The following SH3YL1 variants were observed in gnomAD, a reference collection of about 807,000 sequenced individuals.
SH3YL1 encodes the protein SH3 domain-containing YSC84-like protein 1.
SH3YL1 carries 41 observed loss-of-function variants against 45.8 expected under a neutral mutation model. The observed-to-expected ratio is 0.89, with a 90% CI of 0.70 to 1.16. The LOEUF is 1.16. SH3YL1 is among the 50% of genes most tolerant of loss of function. SH3YL1 has a pLI of 0.00. For missense variants in SH3YL1, 389 were observed against 409.6 expected, an observed-to-expected ratio of 0.95 and a Z score of 0.43; for synonymous variants, 152 against 151.4, an observed-to-expected ratio of 1.00 and a Z score of -0.03.
intron 9 of SH3YL1, among the ~76,000 whole-genome samples, chr2:220,673 G>C (rs910109577): frequency 6.6e-6 from 1 of 152,188 alleles, no homozygotes; most frequent in African/African-American, 2.4e-5. Flanking sequence ...CCTGTCATCA[G>C]ATCAGGATGC....
chr2:243,402 C>A, intron 4 of SH3YL1: 1 of 1,140,290 alleles, frequency 8.8e-7, no homozygotes, highest in Non-Finnish European at 1.2e-6. Flanking sequence ...AATATGTGGA[C>A]ATTAAGCAAC....
chr2:246,146 G>A (rs1668796607), intron 4 of SH3YL1, among the ~76,000 whole-genome samples: 1 of 151,060 alleles, frequency 6.6e-6, no homozygotes, highest in South Asian at 2.1e-4. Context: ...AGTGAGCTGA[G>A]TCCATGCCAT....
intron 8 of SH3YL1, 113 bp downstream of exon 8, chr2:229,853 T>C: frequency 1.3e-6 from 1 of 769,994 alleles, no homozygotes; most frequent in Non-Finnish European, 2.1e-6. Flanking sequence ...CTCTTAAATA[T>C]GTTAGTTCTT....
In SH3YL1 at chr2:249,839, C is replaced by A. The variant is rs780119435; in HGVS notation, c.118G>T (p.Val40Leu). The A allele has an allele frequency of 6.5e-7, 1 of 1,550,138 alleles. No individual in the cohort carries two copies. Among genetic ancestry groups the A allele is most frequent in the South Asian group, 1.2e-5 (1 of 84,026 alleles). Residue 40 changes from valine (V) to leucine (L), a missense_variant, in exon 3 of 10, where the codon GTA becomes TTA. Coordinates refer to ENST00000356150, the MANE Select transcript of SH3YL1 (RefSeq NM_015677.4). ...NGPDKIIPAH[V>L]IAKAKGLAIL... ...GCAAGGCCTTTAGCCTTCGCAATTA[C>A]GTGAGCTGTTAACGTGGAAAACAAT...
At chr2:232,354 G>A (rs1365017178) in intron 6 of SH3YL1, among the ~76,000 whole-genome samples, 1 of 151,234 alleles carries the variant, frequency 6.6e-6, no homozygotes, top group African/African-American at 2.4e-5. Flanking sequence ...ACTGACACAT[G>A]AGTTGTAACT....
intron 1 of SH3YL1, among the ~76,000 whole-genome samples, chr2:257,357 A>G (rs1412197390): frequency 6.6e-6 from 1 of 152,208 alleles, no homozygotes; most frequent in East Asian, 1.9e-4. Context: ...GAGTTTTTAC[A>G]GCTTTAGGTT....
At chr2:233,267 C>T in intron 5 of SH3YL1, 38 bp from the exon 6 acceptor site, 1 of 1,496,658 alleles carries the variant, frequency 6.7e-7, no homozygotes, top group Non-Finnish European at 9.0e-7. Flanking sequence ...AAGCTGTGAG[C>T]AGCTCCAAGC....
At chr2:256,251 CTT>C (rs1273126541) in intron 1 of SH3YL1, 1 of 152,216 alleles carries the variant, frequency 6.6e-6, no homozygotes, top group African/African-American at 2.4e-5. Flanking sequence ...TCAGCTCTTC[CTT>C]TTTGACTGCC....
chr2:246,366 T>A (rs1303041895), intron 4 of SH3YL1, among the ~76,000 whole-genome samples: 1 of 152,186 alleles, frequency 6.6e-6, no homozygotes, highest in Non-Finnish European at 1.5e-5. Flanking sequence ...AGAATTACCA[T>A]GGAAACTCTC....
At chr2:239,071 G>C (rs575145471) in intron 4 of SH3YL1, among the ~76,000 whole-genome samples, 1 of 152,278 alleles carries the variant, frequency 6.6e-6, no homozygotes, top group South Asian at 2.1e-4. Flanking sequence ...TGAAACCACA[G>C]CACGATGCAA....
At chr2:264,137 G>C (rs1008499268), upstream of SH3YL1, 164 of 1,187,230 alleles carry the variant, frequency 1.4e-4, no homozygotes, top group Middle Eastern at 3.0e-4. Context: ...TACGTTTCGC[G>C]GGACAAAAAC....
At chr2:264,412 C>G (rs575244331), upstream of SH3YL1, 1 of 198,208 alleles carries the variant, frequency 5.0e-6, no homozygotes, top group African/African-American at 2.3e-5. Context: ...GCGAGACTCG[C>G]GCTGTGCCCC....
At chr2:260,697 C>A (rs1669554944) in intron 1 of SH3YL1, 1 of 152,236 alleles carries the variant, frequency 6.6e-6, no homozygotes, top group African/African-American at 2.4e-5. Context: ...CCAGCAACAT[C>A]TTTTTCTGTT....
At position 245,329 on chromosome 2, in the gene SH3YL1, T is replaced by C. The variant is rs1668749349; in HGVS notation, c.291+2209A>G. ...ATTGACATTTAAAAGTTAATAGTTATGTTATTTAAATGAAATTCCATAGTT... is the reference window on the plus strand; with the variant it reads ...ATTGACATTTAAAAGTTAATAGTTACGTTATTTAAATGAAATTCCATAGTT... On this transcript the variant is annotated intron_variant, in intron 4 of 9. Transcript: ENST00000356150. Among the ~76,000 whole-genome samples the C allele has an allele frequency of 2.6e-5, 4 of 152,336 alleles. No homozygotes were observed. The South Asian group carries it at 8.3e-4, about 32-fold the overall frequency.
At chr2:263,754 A>G (rs1669708455) in intron 1 of SH3YL1, 1 of 474,668 alleles carries the variant, frequency 2.1e-6, no homozygotes, top group Non-Finnish European at 3.8e-6. Flanking sequence ...AAACTTCGGA[A>G]TAGCTTTTCT....
At chr2:247,495 TC>T (rs2103045047) in intron 4 of SH3YL1, 42 bp downstream of exon 4, 1 of 1,486,512 alleles carries the variant, frequency 6.7e-7, no homozygotes, top group East Asian at 2.5e-5. Context: ...TTAGGTGTCT[TC>T]AGAGGATATG....
chr2:249,953 C>G, intron 2 of SH3YL1, 109 bp from the exon 3 acceptor site: 1 of 737,076 alleles, frequency 1.4e-6, no homozygotes, highest in Non-Finnish European at 2.3e-6. Flanking sequence ...TCTAGGAATT[C>G]GGGGCACACA....
chr2:264,190 C>T (rs1168567330), upstream of SH3YL1: 1 of 613,904 alleles, frequency 1.6e-6, no homozygotes, highest in South Asian at 2.9e-5. Context: ...CCCTCAGGGA[C>T]TTCGGAACCG....
chr2:252,410 G>T (rs1421289919), intron 2 of SH3YL1, among the ~76,000 whole-genome samples: 1 of 152,196 alleles, frequency 6.6e-6, no homozygotes, highest in Non-Finnish European at 1.5e-5. Flanking sequence ...CTCAAGTGGA[G>T]CAGGAACATG....
Sources: allele counts gnomAD v4.1 joint callset (sites outside exome capture counted in the v4.1 genomes callset), GRCh38; gene constraint gnomAD v4.1.1; transcripts MANE v1.5; gene names NCBI Gene and HGNC (gene_info 2026-07-23, HGNC 2026-07-21).